The following FOXK2 variants were observed in gnomAD, a reference collection of about 807,000 sequenced individuals.
FOXK2 encodes forkhead box protein K2.
Under a neutral mutation model 53.3 loss-of-function variants are expected in FOXK2, and 24 were observed. The observed-to-expected ratio is 0.45, with a 90% CI of 0.33 to 0.63. The LOEUF (loss-of-function observed/expected upper bound fraction) is 0.63, where lower values mean the gene tolerates loss of function less well. FOXK2 is among the 30% of genes least tolerant of loss of function. The pLI is 0.03. For synonymous variants in FOXK2, 505 were observed against 407.1 expected, an observed-to-expected ratio of 1.24 and a Z score of -2.89; for missense variants, 952 against 910.5, an observed-to-expected ratio of 1.05 and a Z score of -0.59.
chr17:82,550,478 C>T (rs2044664911), intron 1 of FOXK2, among the ~76,000 whole-genome samples: 1 of 150,290 alleles, frequency 6.7e-6, no homozygotes, highest in Admixed American at 6.6e-5. Flanking sequence ...CATTAAACTC[C>T]ATGCCTGGCC....
At chr17:82,587,030 A>G (rs1181106695) in intron 7 of FOXK2, 33 bp from the exon 8 acceptor site, 1 of 1,596,594 alleles carries the variant, frequency 6.3e-7, no homozygotes, top group Admixed American at 1.7e-5. Context: ...CTTTCCAGTA[A>G]TATTAATGTC....
At chr17:82,570,762 A>G (rs1278184396) in intron 3 of FOXK2, among the ~76,000 whole-genome samples, 1 of 152,244 alleles carries the variant, frequency 6.6e-6, no homozygotes, top group Non-Finnish European at 1.5e-5. Context: ...GTTGCCCAGA[A>G]GTTCACAACC....
intron 8 of FOXK2, among the ~76,000 whole-genome samples, chr17:82,593,196 G>A (rs2045271740): frequency 6.6e-6 from 1 of 151,070 alleles, no homozygotes; most frequent in African/African-American, 2.4e-5. Flanking sequence ...AGGTCTCCCT[G>A]TGCCAGGCAG....
At chr17:82,576,055 G>A (rs1598221652) in intron 4 of FOXK2, among the ~76,000 whole-genome samples, 1 of 119,800 alleles carries the variant, frequency 8.3e-6, no homozygotes, top group Non-Finnish European at 1.7e-5. Flanking sequence ...GCGTGTGCTC[G>A]GGTGGCGGCG....
chr17:82,520,394 C>T, intron 1 of FOXK2, 87 bp downstream of exon 1: 2 of 1,115,712 alleles, frequency 1.8e-6, no homozygotes, highest in Non-Finnish European at 2.3e-6. Context: ...GGCCCGGGAC[C>T]ACCCACGAGC....
In FOXK2 at chr17:82,586,141, C is replaced by T. The variant is rs778439413; in HGVS notation, c.1517C>T (p.Ala506Val). 3.1e-6 allele frequency: 5 copies of T among 1,612,346 alleles called. No individual in the cohort carries two copies. The highest frequency in any genetic ancestry group is 4.2e-6 in the Non-Finnish European group (5 of 1,179,868). The change falls in exon 7 of 9, where the codon GCC becomes GTC. Residue 506 changes from alanine (A) to valine (V), a missense_variant. Ala to Val is a moderately conservative substitution (Grantham distance 64, BLOSUM62 0). Around this residue, in one of 5 missense-constraint regions of FOXK2, gnomAD observed 551 missense variants for 385.1 expected, o/e 1.43. Transcript: ENST00000335255. ...VSGQAVVTPA[A>V]VLAPPKAEAQ... ...GGACAAGCTGTGGTCACCCCGGCAG[C>T]CGTGCTGGCCCCTCCTAAGGCAGAG... is the stretch of plus-strand genomic sequence containing the variant.
At chr17:82,555,886 A>ACAC in intron 1 of FOXK2, among the ~76,000 whole-genome samples, 1 of 10,364 alleles carries the variant, frequency 9.6e-5, no homozygotes, top group Middle Eastern at 0.036. Flanking sequence ...ACTCTATCAC[A>ACAC]AAAAAAAAAA....
rs191103076 is a variant in FOXK2, at chr17:82,603,898, C to T, written c.*2399C>T. 6.6e-6 allele frequency: 1 copy of T among 152,244 alleles called. No homozygotes were observed. Among genetic ancestry groups the T allele is most frequent in the East Asian group, 1.9e-4 (1 of 5,180 alleles). 9.4% of individuals were successfully genotyped at this position (152,244 alleles called of 1,614,324 possible). A position where few individuals can be genotyped will look rare whatever the true frequency, so the allele number is the denominator to read the frequency against. ...TATCGAAGCGAGAGCAGTAACAAACCATAGATGAGCAGACTCCCACACCGG... is the reference window on the plus strand; with the variant it reads ...TATCGAAGCGAGAGCAGTAACAAACTATAGATGAGCAGACTCCCACACCGG... On this transcript the variant is annotated 3_prime_UTR_variant, in exon 9 of 9. Transcript: ENST00000335255.
intron 1 of FOXK2, among the ~76,000 whole-genome samples, chr17:82,552,995 A>C (rs1488477442): frequency 1.3e-5 from 2 of 152,274 alleles, no homozygotes; most frequent in Non-Finnish European, 1.5e-5. Context: ...CAGTGCAGTG[A>C]CATGATCTCG....
At chr17:82,534,890 C>T (rs905166506) in intron 1 of FOXK2, among the ~76,000 whole-genome samples, 11 of 152,168 alleles carry the variant, frequency 7.2e-5, no homozygotes, top group Admixed American at 5.2e-4. Flanking sequence ...GAAAAACACA[C>T]ATTTTTTGGG....
chr17:82,586,951 A>G (rs886913703), intron 7 of FOXK2, 112 bp from the exon 8 acceptor site: 4 of 970,526 alleles, frequency 4.1e-6, no homozygotes, highest in East Asian at 5.0e-5. Flanking sequence ...TGTTTGTTTT[A>G]GAGACATTTT....
intron 4 of FOXK2, among the ~76,000 whole-genome samples, chr17:82,581,979 A>C (rs1304324472): frequency 1.3e-5 from 2 of 152,200 alleles, no homozygotes; most frequent in African/African-American, 4.8e-5. Context: ...TACTTTGCCA[A>C]GTCCTCTCTT....
chr17:82,582,837 C>A lies in FOXK2; in HGVS notation c.1006C>A (p.Pro336Thr). 1.9e-6 allele frequency: 3 copies of A among 1,613,492 alleles called. No individual in the cohort carries two copies. The highest frequency in any genetic ancestry group is 2.5e-6 in the Non-Finnish European group (3 of 1,179,896). Residue 336 changes from proline (P) to threonine (T), a missense_variant, in exon 5 of 9, where the codon CCA (proline) becomes ACA (threonine). Pro to Thr is a conservative substitution (Grantham distance 38, BLOSUM62 -1). Coordinates refer to ENST00000335255, the MANE Select transcript of FOXK2 (RefSeq NM_004514.4). Reference protein sequence around the residue: ...PGKGSFWRIDPASESKLIEQA... With the variant: ...PGKGSFWRIDTASESKLIEQA... ...CAAAGGCTCGTTCTGGAGGATAGACCCAGCCTCTGAAAGCAAATTAATAGA... is the reference window on the plus strand; with the variant it reads ...CAAAGGCTCGTTCTGGAGGATAGACACAGCCTCTGAAAGCAAATTAATAGA...
chr17:82,523,948 G>A (rs530058795), intron 1 of FOXK2, among the ~76,000 whole-genome samples: 3 of 152,206 alleles, frequency 2.0e-5, no homozygotes, highest in Non-Finnish European at 4.4e-5. Flanking sequence ...AGGCTGGAGT[G>A]CAGTGGCGTG....
At chr17:82,570,997 G>A (rs1360033453) in intron 3 of FOXK2, among the ~76,000 whole-genome samples, 1 of 152,154 alleles carries the variant, frequency 6.6e-6, no homozygotes, top group Non-Finnish European at 1.5e-5. Flanking sequence ...TCTCCTTGTG[G>A]ATGGGTATTT....
intron 1 of FOXK2, among the ~76,000 whole-genome samples, chr17:82,535,193 T>G (rs758209622): frequency 1.4e-4 from 21 of 152,218 alleles, no homozygotes; most frequent in Non-Finnish European, 2.9e-4. Flanking sequence ...GCCTTCGTGA[T>G]TTCTGATGAG....
At chr17:82,543,178 C>CCACTT (rs10677205) in intron 1 of FOXK2, among the ~76,000 whole-genome samples, 66,914 of 151,776 alleles carry the variant, frequency 0.44, 14,887 homozygotes, top group South Asian at 0.56. Flanking sequence ...TTATCTAAAT[C>CCACTT]CACAACTATT....
intron 1 of FOXK2, among the ~76,000 whole-genome samples, chr17:82,534,247 A>G (rs750244844): frequency 6.0e-5 from 9 of 150,960 alleles, no homozygotes; most frequent in African/African-American, 2.2e-4. Flanking sequence ...CCTCGACTCG[A>G]AAAAAAAAGA....
chr17:82,573,599 C>CAA (rs1598220128), intron 4 of FOXK2, among the ~76,000 whole-genome samples: 1 of 147,144 alleles, frequency 6.8e-6, no homozygotes, highest in Non-Finnish European at 1.5e-5. Flanking sequence ...CACACACACA[C>CAA]AACCAGATAA....
Sources: gnomAD v4.1 joint callset for allele counts (sites outside exome capture counted in the v4.1 genomes callset) on GRCh38, gnomAD v4.1.1 for gene constraint, gnomAD v4.1.1 regional missense constraint, MANE v1.5 for transcripts, NCBI Gene and HGNC (gene_info 2026-07-23, HGNC 2026-07-21) for gene names.